DENND1B: variants seen among roughly 807,000 people sequenced by gnomAD.
The protein encoded by DENND1B is DENN domain-containing protein 1B.
A neutral mutation model predicts 90.1 loss-of-function variants in DENND1B; 59 were observed. The ratio of observed to expected loss-of-function variants is 0.65; its 90% CI spans 0.53 to 0.81. DENND1B has a LOEUF of 0.81. DENND1B is among the 40% of genes least tolerant of loss of function. The probability of loss-of-function intolerance (pLI) is 0.00; values close to 1 mark genes in which losing one functional copy is unlikely to be tolerated. For synonymous variants in DENND1B, 337 were observed against 324.6 expected (o/e 1.04, Z -0.41); for missense variants, 862 against 912.6 (o/e 0.94, Z 0.71).
chr1:197,542,690 A>T (rs1262895365), intron 18 of DENND1B, among the ~76,000 whole-genome samples: 3 of 152,164 alleles, frequency 2.0e-5, no homozygotes. Flanking sequence ...ATTTGTGGTC[A>T]AAGAAGGAAT....
Position 197,508,609 on chromosome 1 carries a change from C to G in DENND1B, c.*1851G>C, listed in dbSNP as rs1157310062. 1 of 151,616 alleles carries G rather than the reference C, an allele frequency of 6.6e-6. No homozygotes were observed. Among genetic ancestry groups the G allele is most frequent in the African/African-American group, 2.4e-5 (1 of 41,340 alleles). 9.4% of individuals were successfully genotyped at this position (151,616 alleles called of 1,614,324 possible). The stretch of plus-strand genomic sequence containing the variant: ...GTCATTTTCTTTAAATTATTTCAAA[C>G]CCTCTTCTAGGATTTTAGCTGAAAT... On this transcript the variant is annotated 3_prime_UTR_variant, in exon 23 of 23. Transcript: ENST00000620048.
At chr1:197,714,890 T>G in intron 3 of DENND1B, 141 bp downstream of exon 3, 1 of 683,024 alleles carries the variant, frequency 1.5e-6, no homozygotes, top group Non-Finnish European at 2.6e-6. Context: ...ACACATGCAT[T>G]TTTGTCTCAC....
At chr1:197,515,954 T>C (rs537953618) in intron 20 of DENND1B, among the ~76,000 whole-genome samples, 6 of 151,828 alleles carry the variant, frequency 4.0e-5, no homozygotes, top group African/African-American at 7.2e-5. Context: ...GCATATACTA[T>C]AGCATCTCTA....
In DENND1B at chr1:197,507,499, A is replaced by G. The variant is rs1434077740; in HGVS notation, c.*2961T>C. 1 of 151,460 alleles carries G rather than the reference A, an allele frequency of 6.6e-6. No individual in the cohort carries two copies. Among genetic ancestry groups the G allele is most frequent in the Non-Finnish European group, 1.5e-5 (1 of 67,596 alleles). 9.4% of individuals were successfully genotyped at this position (151,460 alleles called of 1,614,324 possible). ...TATTATTTCTCTATACCCCTGAAAT[A>G]CCACGGATGCAATATCTAAGGGTAA... is the stretch of plus-strand genomic sequence containing the variant. On this transcript the variant is annotated 3_prime_UTR_variant, in exon 23 of 23. Coordinates refer to ENST00000620048, the MANE Select transcript of DENND1B (RefSeq NM_001195215.2).
chr1:197,665,539 A>G (rs1654859402), intron 5 of DENND1B, among the ~76,000 whole-genome samples: 1 of 152,172 alleles, frequency 6.6e-6, no homozygotes, highest in South Asian at 2.1e-4. Context: ...ACATAGTATC[A>G]TTAGTATCAA....
At chr1:197,619,383 T>C (rs751079125) in intron 10 of DENND1B, among the ~76,000 whole-genome samples, 15 of 151,126 alleles carry the variant, frequency 9.9e-5, no homozygotes, top group Admixed American at 2.0e-4. Context: ...TTAGGCCTCT[T>C]TAAGACTGTA....
At chr1:197,743,037 G>A (rs192185280) in intron 2 of DENND1B, among the ~76,000 whole-genome samples, 9 of 152,288 alleles carry the variant, frequency 5.9e-5, no homozygotes, top group Admixed American at 2.6e-4. Flanking sequence ...CACTTCTTTA[G>A]AGCCCAGATA....
chr1:197,705,711 C>A (rs997626706), intron 3 of DENND1B, among the ~76,000 whole-genome samples: 2 of 147,862 alleles, frequency 1.4e-5, no homozygotes, highest in African/African-American at 5.0e-5. Flanking sequence ...ACAGACAAGA[C>A]AGAATTGAGA....
chr1:197,674,337 G>A (rs1481753251), intron 3 of DENND1B, among the ~76,000 whole-genome samples, 168 bp from the exon 4 acceptor site: 1 of 152,158 alleles, frequency 6.6e-6, no homozygotes, highest in East Asian at 1.9e-4. Flanking sequence ...AAGGAATTAA[G>A]TTTGTGCTTT....
At chr1:197,541,946 T>C (rs185282675) in intron 18 of DENND1B, among the ~76,000 whole-genome samples, 1 of 152,306 alleles carries the variant, frequency 6.6e-6, no homozygotes, top group African/African-American at 2.4e-5. Context: ...GCTACTAGTG[T>C]CAGTCTCTTC....
At chr1:197,743,412 T>C (rs1356743312) in intron 2 of DENND1B, among the ~76,000 whole-genome samples, 1 of 152,184 alleles carries the variant, frequency 6.6e-6, no homozygotes, top group East Asian at 1.9e-4. Context: ...AAAACCCTAA[T>C]TTAAAAATAT....
At chr1:197,625,474 C>T (rs1434868911) in intron 10 of DENND1B, among the ~76,000 whole-genome samples, 35 of 151,856 alleles carry the variant, frequency 2.3e-4, no homozygotes, top group Admixed American at 2.2e-3. Context: ...TGAGAGATTT[C>T]GCCACCACCA....
chr1:197,654,718 C>T (rs1465264313), intron 6 of DENND1B, among the ~76,000 whole-genome samples: 1 of 151,988 alleles, frequency 6.6e-6, no homozygotes, highest in African/African-American at 2.4e-5. Flanking sequence ...TTCCTGGGAA[C>T]ATTTATAAAG....
chr1:197,639,222 C>T (rs912394172), intron 10 of DENND1B, among the ~76,000 whole-genome samples: 1 of 151,988 alleles, frequency 6.6e-6, no homozygotes, highest in South Asian at 2.1e-4. Flanking sequence ...TGGTACCATG[C>T]CTGGCTAATT....
chr1:197,515,273 T>C (rs1668317937), intron 20 of DENND1B, among the ~76,000 whole-genome samples: 1 of 151,680 alleles, frequency 6.6e-6, no homozygotes, highest in Non-Finnish European at 1.5e-5. Flanking sequence ...GAAATGTATC[T>C]GGGGCCTCTA....
At chr1:197,634,236 C>T (rs1168361246) in intron 10 of DENND1B, among the ~76,000 whole-genome samples, 1 of 152,158 alleles carries the variant, frequency 6.6e-6, no homozygotes. Flanking sequence ...TAGCCCATCC[C>T]TTGTTACCCC....
At chr1:197,697,181 C>G (rs1170181512) in intron 3 of DENND1B, among the ~76,000 whole-genome samples, 4 of 151,328 alleles carry the variant, frequency 2.6e-5, no homozygotes, top group African/African-American at 7.3e-5. Flanking sequence ...TGAATATCTT[C>G]CACAGTGCTT....
At chr1:197,601,963 A>C (rs1018188577) in intron 13 of DENND1B, among the ~76,000 whole-genome samples, 1 of 151,678 alleles carries the variant, frequency 6.6e-6, no homozygotes, top group Non-Finnish European at 1.5e-5. Context: ...AAATAATTAT[A>C]TCTCTGATAA....
chr1:197,721,227 A>G (rs1433839444), intron 2 of DENND1B, among the ~76,000 whole-genome samples: 1 of 151,078 alleles, frequency 6.6e-6, no homozygotes, highest in Non-Finnish European at 1.5e-5. Context: ...CCACCACCAC[A>G]CCCAGCTAAT....
Sources: allele counts gnomAD v4.1 joint callset (sites outside exome capture counted in the v4.1 genomes callset), GRCh38; gene constraint gnomAD v4.1.1; transcripts MANE v1.5; gene names NCBI Gene and HGNC (gene_info 2026-07-23, HGNC 2026-07-21).